Variants in C4BPA observed in about 807,000 individuals in gnomAD.
C4BPA encodes C4b-binding protein alpha chain.
In C4BPA, 31 loss-of-function variants were observed where a neutral mutation model predicts 63.7. That is an observed-to-expected ratio of 0.49 (90% CI 0.37 to 0.66). The LOEUF is 0.66. Among genes scored for constraint, C4BPA ranks in the 30% least tolerant of loss-of-function variants. The pLI is 0.00. For missense variants in C4BPA, 572 were observed against 723.3 expected (o/e 0.79, Z 2.40); for synonymous variants, 259 against 254.7 (o/e 1.02, Z -0.16).
rs376129905 is a variant in C4BPA, at chr1:207,113,176, T to G, written c.142+9T>G. ...GTTGCCTGCTGTTCTTGGTGAGTAG[T>G]GGGAAACAAGCTCAAATCAGCAACA... On this transcript the variant is annotated intron_variant, in intron 2 of 11. Transcript: ENST00000367070. 1.2e-6 allele frequency: 2 copies of G among 1,605,706 alleles called. No homozygotes were observed. The highest frequency in any genetic ancestry group is 2.2e-5 in the South Asian group (2 of 89,506).
Position 207,113,115 on chromosome 1 carries a change from T to A in C4BPA, c.90T>A (p.Asp30Glu), listed in dbSNP as rs757877260. ...TCTCCAGGCTGTGGAAAGTCTCTGA[T>A]CCAATTCTCTTCCAAATGACCTTGA... ...WPFSRLWKVSDPILFQMTLIA... is the reference protein window; with the variant it reads ...WPFSRLWKVSEPILFQMTLIA... The change falls in exon 2 of 12, where the codon GAT becomes GAA. Residue 30 changes from aspartate (D) to glutamate (E), a missense_variant. Coordinates refer to ENST00000367070, the MANE Select transcript of C4BPA (RefSeq NM_000715.4). The A allele has an allele frequency of 8.7e-6, 14 of 1,611,180 alleles. No homozygotes were observed. In the Admixed American group the frequency reaches 2.4e-4, roughly 27 times the overall value.
At chr1:207,128,149 C>G (rs1685084847) in intron 7 of C4BPA, among the ~76,000 whole-genome samples, 1 of 152,120 alleles carries the variant, frequency 6.6e-6, no homozygotes, top group African/African-American at 2.4e-5. Flanking sequence ...AGTGGCATCT[C>G]CCATCTTCCC....
intron 7 of C4BPA, among the ~76,000 whole-genome samples, chr1:207,128,109 C>T (rs146577319): frequency 1.6e-3 from 240 of 152,182 alleles, no homozygotes; most frequent in East Asian, 4.1e-3. Context: ...CTATGTTGCA[C>T]GAGAACTATT....
At chr1:207,114,815 T>C (rs1047611042) in intron 3 of C4BPA, 1 of 154,634 alleles carries the variant, frequency 6.5e-6, no homozygotes, top group Non-Finnish European at 1.4e-5. Flanking sequence ...CTTTATAAAG[T>C]AATCCACCAA....
intron 9 of C4BPA, among the ~76,000 whole-genome samples, chr1:207,135,060 G>T (rs1222500531): frequency 6.6e-6 from 1 of 152,170 alleles, no homozygotes; most frequent in African/African-American, 2.4e-5. Context: ...AAGTGGGCCA[G>T]GCATGGTGGC....
At chr1:207,131,225 G>C (rs1166024865) in intron 7 of C4BPA, among the ~76,000 whole-genome samples, 2 of 152,216 alleles carry the variant, frequency 1.3e-5, no homozygotes, top group Non-Finnish European at 2.9e-5. Context: ...ATTTGTTTGT[G>C]ACAGTTTTCC....
At chr1:207,114,485 C>CTT (rs34895847) in intron 3 of C4BPA, among the ~76,000 whole-genome samples, 200 bp downstream of exon 3, 1,182 of 59,544 alleles carry the variant, frequency 0.02, 329 homozygotes, top group African/African-American at 0.079. Context: ...TAACTCTGTT[C>CTT]TTTTTTTTTT....
chr1:207,124,660 A>G (rs1405209188), intron 6 of C4BPA, among the ~76,000 whole-genome samples: 3 of 152,194 alleles, frequency 2.0e-5, no homozygotes, highest in Admixed American at 6.5e-5. Flanking sequence ...AGTTTGTTCC[A>G]TGTCCAGGAG....
chr1:207,144,479 G>T, intron 11 of C4BPA, 65 bp from the exon 12 acceptor site: 1 of 1,429,292 alleles, frequency 7.0e-7, no homozygotes. Flanking sequence ...CCACTGTCAG[G>T]ATCCACCCTC....
At position 207,125,979 on chromosome 1, in the gene C4BPA, G is replaced by T. The variant is rs559647821; in HGVS notation, c.707-734G>T. Among the ~76,000 whole-genome samples, 7 of 152,116 alleles carry T rather than the reference G, an allele frequency of 4.6e-5. 2 individuals are homozygous for T. The South Asian group carries it at 1.5e-3, about 32-fold the overall frequency. ...GGCGGCTTGTTTTCTGCTTGTCGGG[G>T]CATGGGTCTCTGATCCCCTGGGCTG... is the stretch of plus-strand genomic sequence containing the variant. On this transcript the variant is annotated intron_variant, in intron 6 of 11. Coordinates refer to ENST00000367070, the MANE Select transcript of C4BPA (RefSeq NM_000715.4).
chr1:207,114,373 CA>C, intron 3 of C4BPA, 88 bp downstream of exon 3: 2 of 1,028,468 alleles, frequency 1.9e-6, no homozygotes, highest in Non-Finnish European at 2.9e-6. Context: ...CTTTAGTCAC[CA>C]AGAAGACAGT....
At chr1:207,140,112 C>A (rs1177372433) in intron 9 of C4BPA, among the ~76,000 whole-genome samples, 1 of 152,186 alleles carries the variant, frequency 6.6e-6, no homozygotes, top group Non-Finnish European at 1.5e-5. Flanking sequence ...GCTTCTGAGG[C>A]ATATGAGCAG....
chr1:207,141,962 C>G (rs1685424808), intron 10 of C4BPA, among the ~76,000 whole-genome samples: 1 of 152,044 alleles, frequency 6.6e-6, no homozygotes, highest in Non-Finnish European at 1.5e-5. Flanking sequence ...ATGACATGTA[C>G]AGAACATGCA....
intron 3 of C4BPA, among the ~76,000 whole-genome samples, chr1:207,115,162 A>G (rs1203559836): frequency 6.6e-6 from 1 of 152,194 alleles, no homozygotes; most frequent in Non-Finnish European, 1.5e-5. Flanking sequence ...TCAGCTTATT[A>G]AGTCCTGGAC....
intron 9 of C4BPA, among the ~76,000 whole-genome samples, chr1:207,139,739 G>A (rs1446072527): frequency 2.0e-5 from 3 of 152,220 alleles, no homozygotes; most frequent in East Asian, 3.9e-4. Context: ...AGTTACCTAC[G>A]TAAATAAACA....
intron 7 of C4BPA, among the ~76,000 whole-genome samples, chr1:207,128,900 G>T (rs1266818148): frequency 6.6e-6 from 1 of 152,144 alleles, no homozygotes; most frequent in Non-Finnish European, 1.5e-5. Flanking sequence ...AAACAGGAAA[G>T]AGTGACCCAT....
At chr1:207,126,216 A>G (rs1390815183) in intron 6 of C4BPA, among the ~76,000 whole-genome samples, 1 of 150,016 alleles carries the variant, frequency 6.7e-6, no homozygotes, top group East Asian at 1.9e-4. Context: ...AAAAGCTGAA[A>G]TTATATATTT....
chr1:207,142,766 G>A (rs1253595809), intron 10 of C4BPA, among the ~76,000 whole-genome samples: 1 of 152,156 alleles, frequency 6.6e-6, no homozygotes, highest in Non-Finnish European at 1.5e-5. Context: ...AAAACTGTGA[G>A]TGACAGTTAC....
chr1:207,135,134 C>T (rs146799492), intron 9 of C4BPA, among the ~76,000 whole-genome samples: 2,166 of 152,096 alleles, frequency 0.014, 48 homozygotes, highest in African/African-American at 0.049. Flanking sequence ...GTCAGGAGTT[C>T]AAGACTAGCC....
Sources: allele counts gnomAD v4.1 joint callset (sites outside exome capture counted in the v4.1 genomes callset), GRCh38; gene constraint gnomAD v4.1.1; transcripts MANE v1.5; gene names NCBI Gene and HGNC (gene_info 2026-07-23, HGNC 2026-07-21).